TMEM244: variants seen among roughly 807,000 people sequenced by gnomAD.
TMEM244 encodes the protein transmembrane protein 244.
TMEM244 carries 13 observed loss-of-function variants against 15.8 expected under a neutral mutation model. The observed-to-expected ratio is 0.82, with a 90% confidence interval of 0.53 to 1.30. The LOEUF (loss-of-function observed/expected upper bound fraction) is 1.30. Ranked by LOEUF, TMEM244 falls within the 50% of genes most tolerant of loss-of-function variation. The pLI, the probability that TMEM244 is intolerant of heterozygous loss-of-function variation, is 0.00. For missense variants in TMEM244, 161 were observed against 144.9 expected, an observed-to-expected ratio of 1.11 and a Z score of -0.57; for synonymous variants, 45 against 48.7, an observed-to-expected ratio of 0.92 and a Z score of 0.32.
At chr6:129,832,090 G>A (rs890728443) in intron 4 of TMEM244, among the ~76,000 whole-genome samples, 3 of 136,270 alleles carry the variant, frequency 2.2e-5, no homozygotes, top group African/African-American at 7.9e-5. Context: ...GAGACAGATT[G>A]TACTTTTTTT....
chr6:129,851,770 A>G (rs1350455951), intron 1 of TMEM244, among the ~76,000 whole-genome samples: 5 of 152,200 alleles, frequency 3.3e-5, no homozygotes, highest in African/African-American at 1.2e-4. Context: ...ATGATACAAT[A>G]TTATTGCTGC....
At chr6:129,855,694 G>A (rs73778848) in intron 1 of TMEM244, among the ~76,000 whole-genome samples, 80 of 152,020 alleles carry the variant, frequency 5.3e-4, no homozygotes, top group African/African-American at 1.8e-3. Context: ...CAGATTCTTC[G>A]GAGAAGAACT....
intron 3 of TMEM244, among the ~76,000 whole-genome samples, chr6:129,835,558 A>T (rs1776392661): frequency 6.6e-6 from 1 of 152,110 alleles, no homozygotes; most frequent in Non-Finnish European, 1.5e-5. Flanking sequence ...CTGGTTGGAC[A>T]GTGGGTGCAG....
rs1406045011 is a variant in TMEM244, at chr6:129,861,157, T to C, written c.32A>G (p.Lys11Arg). Residue 11 changes from lysine (K) to arginine (R), a missense_variant and splice_region_variant, in exon 1 of 5, where the codon AAG (lysine) becomes AGG (arginine). Transcript: ENST00000368143. ...TGCAAAGAAGTAATTTCTCTTTACC[T>C]TGCTTGGAGCAACTCTGACCTGGAG... is the stretch of plus-strand genomic sequence containing the variant. The part of the protein sequence containing the change: MALQVRVAPS[K>R]VVLQKFLLCV... 6.2e-7 allele frequency: 1 copy of C among 1,613,812 alleles called. No homozygotes were observed. Among genetic ancestry groups the C allele is most frequent in the East Asian group, 2.2e-5 (1 of 44,862 alleles).
intron 1 of TMEM244, among the ~76,000 whole-genome samples, chr6:129,856,525 G>T (rs976027752): frequency 6.6e-6 from 1 of 152,118 alleles, no homozygotes; most frequent in Non-Finnish European, 1.5e-5. Context: ...TGTTTACTAG[G>T]AAACTTGTGG....
chr6:129,833,499 T>C lies in TMEM244; in HGVS notation c.280A>G (p.Ile94Val), dbSNP rs750769138. The C allele has an allele frequency of 5.0e-6, 8 of 1,613,116 alleles. No individual in the cohort carries two copies. Among genetic ancestry groups the C allele is most frequent in the Non-Finnish European group, 6.8e-6 (8 of 1,179,604 alleles). ...VVEEWVWDYAISVTILHVAIT... is the reference protein window; with the variant it reads ...VVEEWVWDYAVSVTILHVAIT... ...GCAACATGAAGAATAGTGACTGAAA[T>C]AGCATAATCCCAAACCCATTCTTCC... Residue 94 changes from isoleucine (I) to valine (V), a missense_variant, in exon 4 of 5, where the codon ATT becomes GTT. Physicochemically the swap from Ile to Val is conservative, Grantham distance 29. Transcript: ENST00000368143.
chr6:129,857,848 A>ATATG (rs1562202595), intron 1 of TMEM244, among the ~76,000 whole-genome samples: 1 of 147,344 alleles, frequency 6.8e-6, no homozygotes, highest in Non-Finnish European at 1.5e-5. Context: ...ATGTACATAT[A>ATATG]TATGTATATA....
chr6:129,851,768 A>G (rs1180747176), intron 1 of TMEM244, among the ~76,000 whole-genome samples: 1 of 152,210 alleles, frequency 6.6e-6, no homozygotes, highest in Non-Finnish European at 1.5e-5. Flanking sequence ...TTATGATACA[A>G]TATTATTGCT....
chr6:129,860,983 A>G (rs1373055009), intron 1 of TMEM244, among the ~76,000 whole-genome samples, 173 bp downstream of exon 1: 1 of 152,166 alleles, frequency 6.6e-6, no homozygotes, highest in East Asian at 1.9e-4. Flanking sequence ...GTGCCTTTAT[A>G]TTGCCCTATT....
chr6:129,835,633 C>T (rs1776394166), intron 3 of TMEM244, among the ~76,000 whole-genome samples: 1 of 152,070 alleles, frequency 6.6e-6, no homozygotes, highest in South Asian at 2.1e-4. Context: ...AGGGGTGGGG[C>T]GATTTCCCTT....
At position 129,833,417 on chromosome 6, in the gene TMEM244, T is replaced by C. The variant is rs199526279; in HGVS notation, c.319+43A>G. The C allele has an allele frequency of 9.4e-5, 150 of 1,596,002 alleles. No individual in the cohort carries two copies. The East Asian group carries it at 3.2e-3, about 34-fold the overall frequency. The stretch of plus-strand genomic sequence containing the variant: ...GGAAGTGGTTTATGTCCAACATCTG[T>C]TTTAATACATTTTCCTTGTTTCTGT... On this transcript the variant is annotated intron_variant, in intron 4 of 4. Transcript: ENST00000368143.
intron 4 of TMEM244, 32 bp from the exon 5 acceptor site, chr6:129,831,418 A>T (rs1227092567): frequency 7.0e-7 from 1 of 1,435,862 alleles, no homozygotes; most frequent in African/African-American, 1.4e-5. Context: ...TAATTTCAAA[A>T]CATGCGTTTT....
chr6:129,838,038 C>A (rs1238776468), intron 3 of TMEM244, among the ~76,000 whole-genome samples: 1 of 152,120 alleles, frequency 6.6e-6, no homozygotes, highest in Non-Finnish European at 1.5e-5. Flanking sequence ...ACAAGGATAT[C>A]CAGGATTTGA....
At chr6:129,843,485 C>T (rs1490733978) in intron 3 of TMEM244, 45 bp downstream of exon 3, 2 of 1,362,386 alleles carry the variant, frequency 1.5e-6, no homozygotes, top group South Asian at 1.3e-5. Context: ...GGGTTAGTGG[C>T]ATTTAGTTCA....
intron 1 of TMEM244, among the ~76,000 whole-genome samples, chr6:129,851,766 C>A (rs1253509607): frequency 6.6e-6 from 1 of 152,056 alleles, no homozygotes; most frequent in Admixed American, 6.6e-5. Flanking sequence ...TATTATGATA[C>A]AATATTATTG....
chr6:129,845,743 AT>A, intron 2 of TMEM244, 23 bp downstream of exon 2: 3 of 1,528,908 alleles, frequency 2.0e-6, no homozygotes, highest in Non-Finnish European at 2.7e-6. Flanking sequence ...TTTTAATTCT[AT>A]TTGAAGACAA....
At chr6:129,859,088 C>G (rs1776763305) in intron 1 of TMEM244, among the ~76,000 whole-genome samples, 1 of 152,116 alleles carries the variant, frequency 6.6e-6, no homozygotes, top group Non-Finnish European at 1.5e-5. Flanking sequence ...GCCACCACGC[C>G]TGGCCGGAAC....
chr6:129,849,842 G>A (rs1487904707), intron 1 of TMEM244, among the ~76,000 whole-genome samples: 4 of 152,236 alleles, frequency 2.6e-5, no homozygotes, highest in South Asian at 4.1e-4. Context: ...AAGCCCAAGC[G>A]AGACGCCAGC....
At chr6:129,843,438 G>T (rs1373984261) in intron 3 of TMEM244, 92 bp downstream of exon 3, 16 of 792,118 alleles carry the variant, frequency 2.0e-5, no homozygotes, top group Non-Finnish European at 1.2e-5. Flanking sequence ...TGCGAGACAG[G>T]CCTGATATTT....
Sources: allele counts gnomAD v4.1 joint callset (sites outside exome capture counted in the v4.1 genomes callset), GRCh38; gene constraint gnomAD v4.1.1; transcripts MANE v1.5; gene names NCBI Gene and HGNC (gene_info 2026-07-23, HGNC 2026-07-21).